Variants in CDH13 observed in about 807,000 individuals in gnomAD.
CDH13 encodes the protein cadherin-13.
CDH13 carries 24 observed loss-of-function variants against 63.8 expected under a neutral mutation model. The ratio of observed to expected loss-of-function variants is 0.38; its 90% CI spans 0.27 to 0.53. The LOEUF (loss-of-function observed/expected upper bound fraction) is 0.53, where lower values mean the gene tolerates loss of function less well. Ranked by LOEUF, CDH13 falls within the 20% of genes least tolerant of loss-of-function variation. The pLI, the probability that CDH13 is intolerant of heterozygous loss-of-function variation, is 0.85. For synonymous variants in CDH13, 503 were observed against 355.3 expected, an observed-to-expected ratio of 1.42 and a Z score of -4.67; for missense variants, 1,049 against 903.1, an observed-to-expected ratio of 1.16 and a Z score of -2.07.
chr16:82,843,789 G>A (rs1167427814), intron 1 of CDH13, among the ~76,000 whole-genome samples: 3 of 152,320 alleles, frequency 2.0e-5, no homozygotes, highest in African/African-American at 4.8e-5. Flanking sequence ...CAGCAAGGCC[G>A]GGTAGGATCT....
At position 82,920,746 on chromosome 16, in the gene CDH13, C is replaced by A. The variant is rs147209369; in HGVS notation, c.157+62273C>A. On this transcript the variant is annotated intron_variant, in intron 2 of 13. Coordinates refer to ENST00000567109, the MANE Select transcript of CDH13 (RefSeq NM_001257.5). ...CTTGGCTTGATTTCACTAGTTAGAG[C>A]CTTCTTTACAAAATCAGACAGAAGG... Among the ~76,000 whole-genome samples, 81 of 152,258 alleles carry A rather than the reference C, an allele frequency of 5.3e-4. 1 individual carries two copies. Among genetic ancestry groups the A allele is most frequent in the African/African-American group, 1.8e-3 (74 of 41,558 alleles).
chr16:82,691,288 A>G (rs1915620138), intron 1 of CDH13, among the ~76,000 whole-genome samples: 1 of 152,208 alleles, frequency 6.6e-6, no homozygotes, highest in Non-Finnish European at 1.5e-5. Flanking sequence ...CTATATGCCA[A>G]TGGCTGCCAG....
chr16:82,963,143 G>A (rs1362760208), intron 2 of CDH13, among the ~76,000 whole-genome samples: 1 of 151,914 alleles, frequency 6.6e-6, no homozygotes, highest in Non-Finnish European at 1.5e-5. Context: ...GGCTGAGGCG[G>A]GCAGATCACC....
intron 11 of CDH13, among the ~76,000 whole-genome samples, chr16:83,776,798 A>G (rs576238010): frequency 1.3e-5 from 2 of 152,310 alleles, no homozygotes; most frequent in East Asian, 3.9e-4. Flanking sequence ...CAAAACTAGC[A>G]TCTGCTCTTT....
At chr16:82,967,652 A>C (rs955448572) in intron 2 of CDH13, among the ~76,000 whole-genome samples, 6 of 148,648 alleles carry the variant, frequency 4.0e-5, no homozygotes, top group Non-Finnish European at 9.0e-5. Context: ...CAGGTCGGAG[A>C]ACAGAGACCC....
intron 7 of CDH13, among the ~76,000 whole-genome samples, chr16:83,550,301 C>G (rs1473163857): frequency 6.6e-6 from 1 of 152,194 alleles, no homozygotes; most frequent in African/African-American, 2.4e-5. Flanking sequence ...CCCAAAGAAG[C>G]CTTTTTCAAC....
intron 5 of CDH13, among the ~76,000 whole-genome samples, chr16:83,287,393 C>G (rs1414751544): frequency 6.6e-6 from 1 of 152,216 alleles, no homozygotes; most frequent in Non-Finnish European, 1.5e-5. Context: ...AGCAGGCAAG[C>G]AAGCAAGCCA....
chr16:83,263,679 C>G (rs1281448022), intron 5 of CDH13, among the ~76,000 whole-genome samples: 1 of 152,224 alleles, frequency 6.6e-6, no homozygotes, highest in Admixed American at 6.5e-5. Context: ...AGGCTTTTGA[C>G]TGGCTTCCTC....
intron 3 of CDH13, among the ~76,000 whole-genome samples, chr16:83,106,083 G>A (rs537740397): frequency 5.3e-5 from 8 of 152,262 alleles, no homozygotes; most frequent in Admixed American, 1.3e-4. Flanking sequence ...ATATGTTACA[G>A]GACTTTTAAA....
At chr16:83,077,181 C>CTTTTCTTTTTTTTT (rs2032904024) in intron 3 of CDH13, among the ~76,000 whole-genome samples, 9 of 93,450 alleles carry the variant, frequency 9.6e-5, no homozygotes, top group Admixed American at 1.1e-4. Flanking sequence ...TCTTTTTTTT[C>CTTTTCTTTTTTTTT]TTTTCTTTTT....
chr16:83,764,130 A>G (rs1335699845), intron 11 of CDH13, among the ~76,000 whole-genome samples: 1 of 152,236 alleles, frequency 6.6e-6, no homozygotes, highest in African/African-American at 2.4e-5. Flanking sequence ...GAACTGAGTC[A>G]TGGACTGATC....
chr16:82,897,858 T>C (rs1181369010), intron 2 of CDH13, among the ~76,000 whole-genome samples: 1 of 152,252 alleles, frequency 6.6e-6, no homozygotes, highest in Non-Finnish European at 1.5e-5. Context: ...TCATTTATCA[T>C]TGGCCATTTA....
At chr16:82,700,951 A>ACCAC (rs1567641690) in intron 1 of CDH13, among the ~76,000 whole-genome samples, 8 of 13,806 alleles carry the variant, frequency 5.8e-4, no homozygotes, top group Non-Finnish European at 1.2e-3. Context: ...AAGTGCTGGA[A>ACCAC]CCCGCCCCCC....
At chr16:83,513,523 T>C (rs2074624334) in intron 7 of CDH13, among the ~76,000 whole-genome samples, 1 of 152,160 alleles carries the variant, frequency 6.6e-6, no homozygotes, top group Non-Finnish European at 1.5e-5. Flanking sequence ...CAGTTCTTTG[T>C]GGTTGGGAAG....
chr16:82,964,548 C>T (rs761924858), intron 2 of CDH13, among the ~76,000 whole-genome samples: 7 of 152,174 alleles, frequency 4.6e-5, no homozygotes, highest in South Asian at 2.1e-4. Flanking sequence ...GGCTTGTTTC[C>T]ATCCGCCACG....
At chr16:83,618,204 C>T (rs937871378) in intron 8 of CDH13, among the ~76,000 whole-genome samples, 9 of 151,778 alleles carry the variant, frequency 5.9e-5, no homozygotes, top group African/African-American at 1.5e-4. Context: ...GTGGGCTGAT[C>T]GCCTAAGCTC....
In CDH13 at chr16:83,371,349, C is replaced by T. The variant is rs535474903; in HGVS notation, c.781+26343C>T. Among the ~76,000 whole-genome samples the T allele has an allele frequency of 8.5e-5, 13 of 152,206 alleles. No individual in the cohort carries two copies. In the East Asian group the frequency reaches 2.3e-3, roughly 27 times the overall value. On this transcript the variant is annotated intron_variant, in intron 6 of 13. Coordinates refer to ENST00000567109, the MANE Select transcript of CDH13 (RefSeq NM_001257.5). ...TTTTGCATTAGTGGAGAAACATATC[C>T]AGGTCTCCCAATCCTAATATGAGAG...
chr16:83,555,386 T>G (rs1437135320), intron 7 of CDH13, among the ~76,000 whole-genome samples: 1 of 152,198 alleles, frequency 6.6e-6, no homozygotes, highest in Non-Finnish European at 1.5e-5. Flanking sequence ...GAATCATAGT[T>G]TGCAGTTTAA....
At chr16:82,812,576 C>T (rs1332554739) in intron 1 of CDH13, among the ~76,000 whole-genome samples, 7 of 152,010 alleles carry the variant, frequency 4.6e-5, no homozygotes, top group South Asian at 2.1e-4. Flanking sequence ...CAAGAGAACA[C>T]TGGAAGTTCT....
Sources: allele counts gnomAD v4.1 joint callset (sites outside exome capture counted in the v4.1 genomes callset), GRCh38; gene constraint gnomAD v4.1.1; transcripts MANE v1.5; gene names NCBI Gene and HGNC (gene_info 2026-07-23, HGNC 2026-07-21).